Variants in TMEM117 observed in about 807,000 individuals in gnomAD.
The protein encoded by TMEM117 is transmembrane protein 117.
TMEM117 carries 27 observed loss-of-function variants against 52.4 expected under a neutral mutation model. That is an observed-to-expected ratio of 0.51 (90% CI 0.38 to 0.71). The LOEUF is 0.71. Ranked by LOEUF, TMEM117 falls within the 30% of genes least tolerant of loss-of-function variation. The probability of loss-of-function intolerance (pLI) is 0.00; values close to 1 mark genes in which losing one functional copy is unlikely to be tolerated. For missense variants in TMEM117, 556 were observed against 630.5 expected (o/e 0.88, Z 1.26); for synonymous variants, 215 against 206.3 (o/e 1.04, Z -0.36).
At chr12:44,367,337 A>T (rs1253321540) in intron 6 of TMEM117, among the ~76,000 whole-genome samples, 3 of 152,116 alleles carry the variant, frequency 2.0e-5, no homozygotes, top group Non-Finnish European at 4.4e-5. Flanking sequence ...CCATATTGCC[A>T]AATCTGATGG....
At chr12:44,168,166 A>C (rs915300077) in intron 4 of TMEM117, among the ~76,000 whole-genome samples, 3 of 151,842 alleles carry the variant, frequency 2.0e-5, no homozygotes, top group Non-Finnish European at 2.9e-5. Context: ...AGGCAGAAGA[A>C]TCCTTGAACC....
chr12:44,067,437 T>C (rs960464655), intron 3 of TMEM117, among the ~76,000 whole-genome samples: 2 of 152,206 alleles, frequency 1.3e-5, no homozygotes, highest in African/African-American at 4.8e-5. Context: ...ATAATAAGAC[T>C]TGACAGTTGA....
chr12:44,142,415 T>A (rs1295494094), intron 3 of TMEM117, among the ~76,000 whole-genome samples: 1 of 152,164 alleles, frequency 6.6e-6, no homozygotes, highest in African/African-American at 2.4e-5. Context: ...TAAATAAAAC[T>A]AGTTAAATAT....
At chr12:43,838,399 C>G (rs1387098136) in intron 1 of TMEM117, among the ~76,000 whole-genome samples, 1 of 151,758 alleles carries the variant, frequency 6.6e-6, no homozygotes, top group Non-Finnish European at 1.5e-5. Context: ...TGTTTTGCCA[C>G]CTGAGATTGC....
In TMEM117 at chr12:43,953,382, C is replaced by T. The variant is rs544537128; in HGVS notation, c.410+9040C>T. 1.4e-3 allele frequency among the ~76,000 whole-genome samples: 212 copies of T among 152,224 alleles called. 1 individual carries two copies. The highest frequency in any genetic ancestry group is 4.8e-3 in the African/African-American group (199 of 41,542). ...AGCTGGATACAAAGACAAGACCCAC[C>T]GGTGTGCTGTCTTCAAGAGACATAT... On this transcript the variant is annotated intron_variant, in intron 3 of 7. Transcript: ENST00000266534.
At chr12:44,246,078 A>G (rs1950125739) in intron 5 of TMEM117, among the ~76,000 whole-genome samples, 1 of 152,166 alleles carries the variant, frequency 6.6e-6, no homozygotes, top group Admixed American at 6.5e-5. Context: ...TATGAGAATT[A>G]TAAGCTCAGT....
intron 3 of TMEM117, among the ~76,000 whole-genome samples, chr12:44,003,898 G>A (rs1169484586): frequency 6.6e-6 from 1 of 152,150 alleles, no homozygotes; most frequent in African/African-American, 2.4e-5. Flanking sequence ...TGTGGCCCTG[G>A]GGGACTGTGT....
At chr12:44,292,055 G>T (rs1325632315) in intron 5 of TMEM117, among the ~76,000 whole-genome samples, 1 of 151,958 alleles carries the variant, frequency 6.6e-6, no homozygotes, top group East Asian at 1.9e-4. Flanking sequence ...ATTTGAGAAG[G>T]ATTGATACTA....
At chr12:43,861,659 C>G (rs1943491568) in intron 2 of TMEM117, among the ~76,000 whole-genome samples, 1 of 152,126 alleles carries the variant, frequency 6.6e-6, no homozygotes, top group South Asian at 2.1e-4. Context: ...ATACTTTGAG[C>G]AAGTCTAGAC....
chr12:44,053,821 G>A lies in TMEM117; in HGVS notation c.411-89704G>A, dbSNP rs569360910. On this transcript the variant is annotated intron_variant, in intron 3 of 7. Transcript: ENST00000266534. ...ACCACAAACATGGAATTTGGGAGTGGTTGGTACCTATCCAAGGGCCTTAGT... is the reference window on the plus strand; with the variant it reads ...ACCACAAACATGGAATTTGGGAGTGATTGGTACCTATCCAAGGGCCTTAGT... 2.0e-5 allele frequency among the ~76,000 whole-genome samples: 3 copies of A among 152,288 alleles called. No individual in the cohort carries two copies. The South Asian group carries it at 6.2e-4, about 32-fold the overall frequency.
chr12:44,372,372 A>T (rs1273964604), intron 6 of TMEM117, among the ~76,000 whole-genome samples: 1 of 152,176 alleles, frequency 6.6e-6, no homozygotes, highest in East Asian at 1.9e-4. Context: ...GACTCTCATA[A>T]CACTTCTATA....
chr12:44,174,847 T>G (rs1949097001), intron 4 of TMEM117, among the ~76,000 whole-genome samples: 1 of 152,040 alleles, frequency 6.6e-6, no homozygotes. Flanking sequence ...AAGTAAAACC[T>G]CTCGAAAAAA....
At chr12:44,330,010 G>T (rs991617868) in intron 6 of TMEM117, among the ~76,000 whole-genome samples, 1 of 151,908 alleles carries the variant, frequency 6.6e-6, no homozygotes, top group Non-Finnish European at 1.5e-5. Flanking sequence ...CTACTTTCAG[G>T]GGTTTTTTTG....
rs1952133086 is a variant in TMEM117, at chr12:44,388,806, A to G, written c.*134A>G. On this transcript the variant is annotated 3_prime_UTR_variant, in exon 8 of 8. Transcript: ENST00000266534. ...ATGAACAATGCCACAACGGTGCTCA[A>G]CATGCTTTTTCTAGGATTCATTGTT... 3.1e-6 allele frequency: 3 copies of G among 956,030 alleles called. No individual in the cohort carries two copies. Among genetic ancestry groups the G allele is most frequent in the African/African-American group, 3.3e-5 (2 of 60,284 alleles). The allele number at this position is 956,030 out of a possible 1,614,324, so 59.2% of individuals were successfully genotyped here.
At chr12:44,308,656 G>A (rs1950933568) in intron 6 of TMEM117, among the ~76,000 whole-genome samples, 1 of 140,630 alleles carries the variant, frequency 7.1e-6, no homozygotes, top group Admixed American at 7.4e-5. Flanking sequence ...CTCTTGCTCT[G>A]TCGCCCAGGC....
intron 3 of TMEM117, among the ~76,000 whole-genome samples, chr12:43,969,960 C>T (rs575383604): frequency 6.6e-6 from 1 of 152,270 alleles, no homozygotes; most frequent in Admixed American, 6.5e-5. Flanking sequence ...GTTTCAGTTA[C>T]TTGTGGCCAA....
upstream of TMEM117, among the ~76,000 whole-genome samples, chr12:43,832,200 C>A (rs1278578483): frequency 6.6e-6 from 1 of 152,158 alleles, no homozygotes; most frequent in Non-Finnish European, 1.5e-5. Flanking sequence ...GTTAACTCTG[C>A]GTGAGTAAGC....
the TMEM117 span, among the ~76,000 whole-genome samples, chr12:43,804,772 T>C: frequency 2.0e-5 from 3 of 152,210 alleles, no homozygotes; most frequent in Non-Finnish European, 2.9e-5. Flanking sequence ...ATTTTAAAAG[T>C]ATGTTAATAA....
chr12:44,317,490 G>A (rs1017933663), intron 6 of TMEM117, among the ~76,000 whole-genome samples: 5 of 151,898 alleles, frequency 3.3e-5, no homozygotes, highest in African/African-American at 1.2e-4. Context: ...TGCCTCCAGG[G>A]TTCAAGCAAT....
Sources: gnomAD v4.1 joint callset for allele counts (sites outside exome capture counted in the v4.1 genomes callset) on GRCh38, gnomAD v4.1.1 for gene constraint, MANE v1.5 for transcripts, NCBI Gene and HGNC (gene_info 2026-07-23, HGNC 2026-07-21) for gene names.